Variants in ACTN2 observed in about 807,000 individuals in gnomAD.
The protein encoded by ACTN2 is alpha-actinin-2.
In ACTN2, 39 loss-of-function variants were observed where a neutral mutation model predicts 113.8. That is an observed-to-expected ratio of 0.34 (90% confidence interval 0.27 to 0.45). The LOEUF (loss-of-function observed/expected upper bound fraction) is 0.45. Ranked by LOEUF, ACTN2 falls within the 20% of genes least tolerant of loss-of-function variation. The pLI is 1.00. For synonymous variants in ACTN2, 429 were observed against 444.1 expected (o/e 0.97, Z 0.43); for missense variants, 992 against 1,177.9 (o/e 0.84, Z 2.31).
intron 18 of ACTN2, among the ~76,000 whole-genome samples, chr1:236,758,129 T>C (rs532146312): frequency 6.6e-6 from 1 of 152,318 alleles, no homozygotes; most frequent in Non-Finnish European, 1.5e-5. Flanking sequence ...TGATAATTTT[T>C]GTAGTAAAAG....
At chr1:236,713,293 T>C (rs2102886698) in intron 1 of ACTN2, among the ~76,000 whole-genome samples, 1 of 152,104 alleles carries the variant, frequency 6.6e-6, no homozygotes, top group South Asian at 2.1e-4. Context: ...AATGGCACGA[T>C]CTTGGCTCAC....
intron 17 of ACTN2, 97 bp downstream of exon 17, chr1:236,755,295 T>C (rs1659522486): frequency 1.4e-6 from 2 of 1,390,982 alleles, no homozygotes; most frequent in African/African-American, 2.8e-5. Flanking sequence ...TCTTTGTTCC[T>C]GTTAAGACCT....
At chr1:236,711,257 A>G (rs1380922224) in intron 1 of ACTN2, among the ~76,000 whole-genome samples, 1 of 152,240 alleles carries the variant, frequency 6.6e-6, no homozygotes, top group Admixed American at 6.5e-5. Context: ...ACTGTCTTCC[A>G]CCGCATTTCC....
At chr1:236,739,019 G>A (rs1446861566) in intron 9 of ACTN2, among the ~76,000 whole-genome samples, 2 of 152,106 alleles carry the variant, frequency 1.3e-5, no homozygotes, top group Non-Finnish European at 2.9e-5. Flanking sequence ...GTCTGCTAAT[G>A]TCTGGTCCCT....
Position 236,762,676 on chromosome 1 carries a change from G to A in ACTN2, c.*57G>A. On this transcript the variant is annotated 3_prime_UTR_variant, in exon 21 of 21. Transcript: ENST00000366578. ...GAATGCAATAAAAGCGGAAGTCACA[G>A]TTTGTTTCCTGGAAACTTTGACAAG... is the stretch of plus-strand genomic sequence containing the variant. The A allele has an allele frequency of 1.3e-6, 2 of 1,584,822 alleles. No homozygotes were observed. Among genetic ancestry groups the A allele is most frequent in the South Asian group, 2.3e-5 (2 of 88,310 alleles).
chr1:236,722,121 A>G (rs2102899477), intron 4 of ACTN2, among the ~76,000 whole-genome samples: 1 of 152,300 alleles, frequency 6.6e-6, no homozygotes, highest in South Asian at 2.1e-4. Context: ...CCAACACAGT[A>G]GATACTGTCA....
At chr1:236,726,124 C>T (rs1371377606) in intron 5 of ACTN2, 104 bp downstream of exon 5, 2 of 1,026,568 alleles carry the variant, frequency 1.9e-6, no homozygotes, top group Non-Finnish European at 3.1e-6. Context: ...TCTGAGAAGC[C>T]TTTTATGTAT....
chr1:236,709,269 CACAT>C (rs1208462284), intron 1 of ACTN2, among the ~76,000 whole-genome samples: 13 of 127,900 alleles, frequency 1.0e-4, no homozygotes, highest in African/African-American at 4.1e-4. Flanking sequence ...CACACACACA[CACAT>C]ATATATGTAT....
intron 6 of ACTN2, among the ~76,000 whole-genome samples, chr1:236,729,851 T>C (rs1482649698): frequency 6.6e-6 from 1 of 152,250 alleles, no homozygotes; most frequent in Non-Finnish European, 1.5e-5. Flanking sequence ...CAATTTATTA[T>C]GGTCAGTTTG....
At chr1:236,689,338 T>C (rs1449921168) in intron 1 of ACTN2, among the ~76,000 whole-genome samples, 7,687 of 40,822 alleles carry the variant, frequency 0.19, 328 homozygotes, top group Middle Eastern at 0.26. Context: ...TATATATATA[T>C]ACACACACAT....
chr1:236,751,782 C>A (rs1659403190), intron 15 of ACTN2, 130 bp downstream of exon 15: 4 of 1,109,134 alleles, frequency 3.6e-6, no homozygotes, highest in Non-Finnish European at 5.3e-6. Flanking sequence ...TTCCTTTATC[C>A]CAAATTTCAC....
At chr1:236,744,942 T>G (rs1659182889) in intron 12 of ACTN2, among the ~76,000 whole-genome samples, 166 bp downstream of exon 12, 1 of 152,038 alleles carries the variant, frequency 6.6e-6, no homozygotes, top group South Asian at 2.1e-4. Flanking sequence ...AGATTTTGGT[T>G]CTTAGATTGT....
intron 13 of ACTN2, among the ~76,000 whole-genome samples, chr1:236,748,589 C>T (rs1659304062): frequency 6.6e-6 from 1 of 152,158 alleles, no homozygotes; most frequent in Admixed American, 6.5e-5. Context: ...AAATCTTGTG[C>T]TTTCATATGC....
intron 8 of ACTN2, 73 bp downstream of exon 8, chr1:236,735,793 G>A (rs756785699): frequency 6.9e-5 from 87 of 1,262,144 alleles, no homozygotes; most frequent in Non-Finnish European, 9.3e-5. Context: ...ATACTTGAGT[G>A]TGTGTTTGTG....
Position 236,722,316 on chromosome 1 carries a change from A to G in ACTN2, c.448+2125A>G, listed in dbSNP as rs925746641. The stretch of plus-strand genomic sequence containing the variant: ...TTTGAGGAGTGAGTTTCCTTCAGCA[A>G]AATGATGGGCCTCTTCCAAGAAAGA... On this transcript the variant is annotated intron_variant, in intron 4 of 20. Transcript: ENST00000366578. 1.8e-4 allele frequency among the ~76,000 whole-genome samples: 27 copies of G among 152,258 alleles called. 1 individual carries two copies. The South Asian group carries it at 3.9e-3, about 22-fold the overall frequency.
chr1:236,744,518 C>A, intron 11 of ACTN2, 108 bp from the exon 12 acceptor site: 5 of 1,348,496 alleles, frequency 3.7e-6, no homozygotes, highest in Non-Finnish European at 4.2e-6. Context: ...CCTCTCTGTC[C>A]CCTTCTCTTG....
At chr1:236,739,607 C>T in intron 10 of ACTN2, 75 bp downstream of exon 10, 1 of 1,513,726 alleles carries the variant, frequency 6.6e-7, no homozygotes, top group South Asian at 1.2e-5. Context: ...TGACCTGGGT[C>T]AGGAGGAGGC....
rs771693661 is a variant in ACTN2 at position 236,754,133 on chromosome 1, T to G, written c.1974+52T>G. The G allele has an allele frequency of 1.2e-6, 2 of 1,607,648 alleles. No individual in the cohort carries two copies. The highest frequency in any genetic ancestry group is 2.2e-5 in the South Asian group (2 of 91,038). ...TTCACAAGCCTTGCGATAAGTCCCT[T>G]TAGCCACGCAGCAGTGACACCGCAC... On this transcript the variant is annotated intron_variant, in intron 16 of 20. Transcript: ENST00000366578. The surrounding 1 kb of genome is among the most constrained non-coding windows in gnomAD (Gnocchi z 4.9).
Position 236,762,443 on chromosome 1 carries a change from G to A in ACTN2, c.2527-18G>A, listed in dbSNP as rs1486613146. 9.3e-6 allele frequency: 15 copies of A among 1,613,802 alleles called. No homozygotes were observed. The highest frequency in any genetic ancestry group is 2.2e-5 in the East Asian group (1 of 44,896). ...TGTTTCTGCAACTGACTGCAAACAC[G>A]TGTGTATTTTTTCCCAGCCATACAT... is the stretch of plus-strand genomic sequence containing the variant. On this transcript the variant is annotated intron_variant, in intron 20 of 20. Coordinates refer to ENST00000366578, the MANE Select transcript of ACTN2 (RefSeq NM_001103.4).
Sources: gnomAD v4.1 joint callset for allele counts (sites outside exome capture counted in the v4.1 genomes callset) on GRCh38, gnomAD v4.1.1 for gene constraint, Gnocchi (gnomAD v3.1) non-coding constraint, MANE v1.5 for transcripts, NCBI Gene and HGNC (gene_info 2026-07-23, HGNC 2026-07-21) for gene names.